RHOBTB2: variants seen among roughly 807,000 people sequenced by gnomAD.
The protein encoded by RHOBTB2 is Rho related BTB domain containing 2.
A neutral mutation model predicts 66.5 loss-of-function variants in RHOBTB2; 39 were observed. The ratio of observed to expected loss-of-function variants is 0.59; its 90% CI spans 0.45 to 0.77. The LOEUF (loss-of-function observed/expected upper bound fraction) is 0.77, where lower values mean the gene tolerates loss of function less well. Among genes scored for constraint, RHOBTB2 ranks in the 30% least tolerant of loss-of-function variants. The pLI, the probability that RHOBTB2 is intolerant of heterozygous loss-of-function variation, is 0.00. For synonymous variants in RHOBTB2, 390 were observed against 395.0 expected, an observed-to-expected ratio of 0.99 and a Z score of 0.15; for missense variants, 755 against 999.1, an observed-to-expected ratio of 0.76 and a Z score of 3.29.
At chr8:22,953,091 G>A in the RHOBTB2 span, among the ~76,000 whole-genome samples, 143 of 152,214 alleles carry the variant, frequency 9.4e-4, no homozygotes, top group African/African-American at 3.0e-3. Flanking sequence ...GTCCACCTGC[G>A]CAGTGGCCTG....
At chr8:23,015,532 T>A in intron 8 of RHOBTB2, 106 bp from the exon 9 acceptor site, 1 of 727,142 alleles carries the variant, frequency 1.4e-6, no homozygotes, top group Non-Finnish European at 2.3e-6. Flanking sequence ...GCAGGGCCTC[T>A]GCGTGCCCTG....
rs375917147 is a variant in RHOBTB2 at position 23,017,370 on chromosome 8, G to T, written c.2085G>T (p.Arg695=). ...AGGAGGACTACCTCCACCTCAAGCG[G>T]CAGCCCAAACGGCGTTGGCTCTTCT... is the stretch of plus-strand genomic sequence containing the variant. The part of the protein sequence containing the change: ...REKEDYLHLK[R]QPKRRWLFWN... Residue 695 remains arginine, a synonymous_variant, in exon 10 of 10, where the codon CGG becomes CGT. Transcript: ENST00000251822. The surrounding 1 kb of genome is among the most constrained non-coding windows in gnomAD (Gnocchi z 5.3). The T allele has an allele frequency of 1.1e-5, 17 of 1,614,074 alleles. No homozygotes were observed. The highest frequency in any genetic ancestry group is 1.4e-5 in the Non-Finnish European group (17 of 1,180,040).
At chr8:22,985,495 A>G (rs370696837), upstream of RHOBTB2, among the ~76,000 whole-genome samples, 24 of 152,314 alleles carry the variant, frequency 1.6e-4, no homozygotes, top group South Asian at 5.0e-3. Context: ...GTGTTTATAG[A>G]TAAGAGAGCA....
chr8:23,009,838 C>G lies in RHOBTB2; in HGVS notation c.1621-700C>G, dbSNP rs10087356. On this transcript the variant is annotated intron_variant, in intron 6 of 9. Transcript: ENST00000251822. ...ACAAGCCCCAGGGGCCTGCCAGCCCCGGGCACTTCTCGGTACTGTAGACGC... is the reference window on the plus strand; with the variant it reads ...ACAAGCCCCAGGGGCCTGCCAGCCCGGGGCACTTCTCGGTACTGTAGACGC... Among the ~76,000 whole-genome samples, 3 of 152,194 alleles carry G rather than the reference C, an allele frequency of 2.0e-5. No homozygotes were observed. The South Asian group carries it at 6.2e-4, about 32-fold the overall frequency.
Position 22,999,951 on chromosome 8 carries a change from G to C in RHOBTB2, c.-165G>C. Reference sequence around the variant, plus strand: ...CGGAGTTTCTGAGTGGCCGCGAGCTGGCCGGGAGGCTGGAGCCCAGCAGCA... The same window carrying C: ...CGGAGTTTCTGAGTGGCCGCGAGCTCGCCGGGAGGCTGGAGCCCAGCAGCA... On this transcript the variant is annotated 5_prime_UTR_variant, in exon 1 of 10. Transcript: ENST00000251822. The C allele has an allele frequency of 1.0e-6, 1 of 985,484 alleles. No homozygotes were observed. Among genetic ancestry groups the C allele is most frequent in the Middle Eastern group, 5.2e-4 (1 of 1,912 alleles). 61.0% of individuals were successfully genotyped at this position (985,484 alleles called of 1,614,324 possible). A position where few individuals can be genotyped will look rare whatever the true frequency, so the allele number is the denominator to read the frequency against.
chr8:23,006,276 A>T lies in RHOBTB2; in HGVS notation c.482+131A>T. On this transcript the variant is annotated intron_variant, in intron 4 of 9. Transcript: ENST00000251822. The surrounding 1 kb of genome is among the most constrained non-coding windows in gnomAD (Gnocchi z 6.1). ...TTGGAGCAAGCTTGCATTGGGAGTC[A>T]ACAAGCATGCTCATTCATTCATTCA... is the stretch of plus-strand genomic sequence containing the variant. 1 of 759,146 alleles carries T rather than the reference A, an allele frequency of 1.3e-6. No homozygotes were observed. The highest frequency in any genetic ancestry group is 2.2e-6 in the Non-Finnish European group (1 of 462,066). 47.0% of individuals were successfully genotyped at this position (759,146 alleles called of 1,614,324 possible).
chr8:22,951,069 C>T, the RHOBTB2 span, among the ~76,000 whole-genome samples: 1 of 152,050 alleles, frequency 6.6e-6, no homozygotes, highest in African/African-American at 2.4e-5. Flanking sequence ...ACTTCCTTAC[C>T]CTTACTATCT....
chr8:22,955,029 G>T, the RHOBTB2 span, among the ~76,000 whole-genome samples: 1 of 152,166 alleles, frequency 6.6e-6, no homozygotes, highest in Admixed American at 6.5e-5. Context: ...TACTTGGGGG[G>T]CTGAGGCACG....
At chr8:23,003,843 T>C (rs1810862006) in intron 1 of RHOBTB2, among the ~76,000 whole-genome samples, 1 of 152,042 alleles carries the variant, frequency 6.6e-6, no homozygotes, top group Non-Finnish European at 1.5e-5. Context: ...GGGTCTGGGG[T>C]TGAAGCATGC....
the RHOBTB2 span, among the ~76,000 whole-genome samples, chr8:22,959,837 A>C: frequency 6.6e-6 from 1 of 151,988 alleles, no homozygotes; most frequent in Non-Finnish European, 1.5e-5. Context: ...AAGATACACC[A>C]ACAGATTTGG....
At chr8:23,014,570 T>G in intron 7 of RHOBTB2, 120 bp from the exon 8 acceptor site, 1 of 840,854 alleles carries the variant, frequency 1.2e-6, no homozygotes, top group Non-Finnish European at 1.9e-6. Context: ...TTTCCTGGCC[T>G]GTCCGGACCT....
At chr8:23,003,791 A>G (rs75086568) in intron 1 of RHOBTB2, among the ~76,000 whole-genome samples, 2,088 of 152,236 alleles carry the variant, frequency 0.014, 39 homozygotes, top group African/African-American at 0.047. Context: ...CATCCTAGAG[A>G]GGCTGGGAGG....
the RHOBTB2 span, among the ~76,000 whole-genome samples, chr8:22,957,215 G>T: frequency 6.6e-6 from 1 of 152,180 alleles, no homozygotes; most frequent in African/African-American, 2.4e-5. Context: ...CTTCAGATCA[G>T]GGGTGTGGGA....
the RHOBTB2 span, among the ~76,000 whole-genome samples, chr8:22,970,556 A>ATGT: frequency 1.3e-5 from 2 of 151,600 alleles, no homozygotes; most frequent in Non-Finnish European, 2.9e-5. Flanking sequence ...AGGTATAATC[A>ATGT]TGCCACTGCA....
At chr8:23,009,818 C>G (rs1478115496) in intron 6 of RHOBTB2, among the ~76,000 whole-genome samples, 2 of 152,120 alleles carry the variant, frequency 1.3e-5, no homozygotes, top group African/African-American at 2.4e-5. Flanking sequence ...CTCTCACAAG[C>G]CCCAGGGGCC....
chr8:23,009,499 C>A (rs1034304000), intron 6 of RHOBTB2, among the ~76,000 whole-genome samples: 7 of 152,154 alleles, frequency 4.6e-5, no homozygotes, highest in African/African-American at 7.2e-5. Context: ...TTTGTGCAGG[C>A]GCGTGGAGTT....
the RHOBTB2 span, among the ~76,000 whole-genome samples, chr8:22,962,372 C>CT: frequency 6.6e-6 from 1 of 151,718 alleles, no homozygotes. Context: ...AACTGACGTA[C>CT]TTTTCATTAA....
the RHOBTB2 span, among the ~76,000 whole-genome samples, chr8:22,975,915 A>G: frequency 1.3e-3 from 192 of 152,166 alleles, no homozygotes; most frequent in Non-Finnish European, 2.2e-3. Context: ...TGGGAGGCCA[A>G]TGCGGGCGGA....
the RHOBTB2 span, among the ~76,000 whole-genome samples, chr8:22,966,019 T>G: frequency 1.3e-5 from 2 of 152,114 alleles, no homozygotes; most frequent in African/African-American, 4.8e-5. Flanking sequence ...GTAAATCACA[T>G]CCCTAATAAT....
Sources: allele counts gnomAD v4.1 joint callset (sites outside exome capture counted in the v4.1 genomes callset), GRCh38; gene constraint gnomAD v4.1.1; non-coding constraint Gnocchi (gnomAD v3.1); transcripts MANE v1.5; gene names NCBI Gene and HGNC (gene_info 2026-07-23, HGNC 2026-07-21).